Variants in ZFHX3 observed in about 807,000 individuals in gnomAD.
ZFHX3 encodes the protein zinc finger homeobox protein 3.
A neutral mutation model predicts 279.1 loss-of-function variants in ZFHX3; 42 were observed. The ratio of observed to expected loss-of-function variants is 0.15; its 90% CI spans 0.12 to 0.19. The LOEUF (loss-of-function observed/expected upper bound fraction) is 0.19, where lower values mean the gene tolerates loss of function less well. Among genes scored for constraint, ZFHX3 ranks in the 10% least tolerant of loss-of-function variants. The pLI, the probability that ZFHX3 is intolerant of heterozygous loss-of-function variation, is 1.00. For missense variants in ZFHX3, 4,981 were observed against 4,754.0 expected, an observed-to-expected ratio of 1.05 and a Z score of -1.40; for synonymous variants, 2,293 against 1,957.8, an observed-to-expected ratio of 1.17 and a Z score of -4.52.
At chr16:73,227,158 T>C (rs767587387) in intron 5 of ZFHX3, among the ~76,000 whole-genome samples, 1 of 152,120 alleles carries the variant, frequency 6.6e-6, no homozygotes, top group Non-Finnish European at 1.5e-5. Flanking sequence ...CATCTCATAA[T>C]TGGAGTTAAA....
At chr16:73,641,082 C>G (rs2052568868) in intron 2 of ZFHX3, among the ~76,000 whole-genome samples, 1 of 152,160 alleles carries the variant, frequency 6.6e-6, no homozygotes, top group African/African-American at 2.4e-5. Context: ...AGCTACAATT[C>G]TACACCCACA....
intron 2 of ZFHX3, among the ~76,000 whole-genome samples, chr16:73,563,276 C>T (rs1329837504): frequency 6.7e-6 from 1 of 150,076 alleles, no homozygotes; most frequent in Non-Finnish European, 1.5e-5. Context: ...CTCACTCTGC[C>T]ACCCGGGCTG....
At chr16:72,888,086 A>G (rs1305147235) in intron 4 of ZFHX3, among the ~76,000 whole-genome samples, 2 of 152,320 alleles carry the variant, frequency 1.3e-5, no homozygotes, top group East Asian at 3.9e-4. Context: ...GAGAAGAAAC[A>G]TGGAAATAAG....
At chr16:73,843,182 GAACA>G (rs373432189) in intron 1 of ZFHX3, among the ~76,000 whole-genome samples, 5 of 152,306 alleles carry the variant, frequency 3.3e-5, no homozygotes, top group African/African-American at 1.2e-4. Flanking sequence ...TTTTAGACAA[GAACA>G]AACAATTTGA....
chr16:72,950,996 A>T (rs1345630534), intron 2 of ZFHX3, 31 bp from the exon 3 acceptor site: 30 of 1,594,326 alleles, frequency 1.9e-5, no homozygotes, highest in Non-Finnish European at 2.6e-5. Flanking sequence ...AGAGAGTCAG[A>T]CACCAGGCTC....
upstream of ZFHX3, chr16:73,061,365 TCTTG>T (rs1238967620): frequency 7.8e-6 from 1 of 128,716 alleles, no homozygotes; most frequent in Admixed American, 9.6e-5. Context: ...CTTTTTTCTT[TCTTG>T]CCTTTTTTTT....
chr16:73,221,911 A>G (rs1443757258), intron 5 of ZFHX3, among the ~76,000 whole-genome samples: 1 of 152,150 alleles, frequency 6.6e-6, no homozygotes, highest in African/African-American at 2.4e-5. Flanking sequence ...ATGGCTGCAC[A>G]ATGTATTATT....
At chr16:73,843,696 A>G (rs950991722) in intron 1 of ZFHX3, among the ~76,000 whole-genome samples, 1 of 152,210 alleles carries the variant, frequency 6.6e-6, no homozygotes, top group African/African-American at 2.4e-5. Context: ...GTATTTTTTA[A>G]TCAGTGGGTT....
chr16:73,728,281 G>C (rs763455740), intron 1 of ZFHX3, among the ~76,000 whole-genome samples: 21 of 152,108 alleles, frequency 1.4e-4, no homozygotes, highest in Non-Finnish European at 2.6e-4. Flanking sequence ...GCAAGCCAAG[G>C]AGAGGCCTCA....
chr16:73,709,913 G>T (rs1048949568), intron 1 of ZFHX3, among the ~76,000 whole-genome samples: 1 of 152,202 alleles, frequency 6.6e-6, no homozygotes, highest in African/African-American at 2.4e-5. Flanking sequence ...CGGGCGTGGT[G>T]GCTCATGCCT....
intron 1 of ZFHX3, among the ~76,000 whole-genome samples, chr16:72,991,164 G>C (rs891381405): frequency 6.6e-6 from 1 of 152,070 alleles, no homozygotes; most frequent in African/African-American, 2.4e-5. Context: ...CTGAGAGAGA[G>C]GAGAGACCAT....
At chr16:73,259,093 A>C (rs1293602533) in intron 4 of ZFHX3, among the ~76,000 whole-genome samples, 1 of 152,186 alleles carries the variant, frequency 6.6e-6, no homozygotes, top group East Asian at 1.9e-4. Context: ...CAATGGCTTG[A>C]CATTTAGGTT....
chr16:72,814,340 G>GC (rs1389599961), intron 5 of ZFHX3, among the ~76,000 whole-genome samples: 1 of 152,108 alleles, frequency 6.6e-6, no homozygotes, highest in African/African-American at 2.4e-5. Flanking sequence ...CAATCTGCCT[G>GC]CCCCCTACTA....
intron 4 of ZFHX3, among the ~76,000 whole-genome samples, chr16:73,269,917 T>G (rs966755724): frequency 6.6e-6 from 1 of 151,918 alleles, no homozygotes; most frequent in African/African-American, 2.4e-5. Context: ...CCTGGCTAAT[T>G]TTTTATTTGT....
intron 1 of ZFHX3, among the ~76,000 whole-genome samples, chr16:73,019,630 G>A (rs1201911156): frequency 6.6e-6 from 1 of 152,174 alleles, no homozygotes; most frequent in Non-Finnish European, 1.5e-5. Flanking sequence ...TGCACAGACT[G>A]TCTGCTCTAA....
chr16:73,255,020 C>T (rs1667639790), intron 5 of ZFHX3, among the ~76,000 whole-genome samples: 1 of 152,130 alleles, frequency 6.6e-6, no homozygotes, highest in African/African-American at 2.4e-5. Context: ...CACTGAGATA[C>T]GAACATCAAA....
chr16:73,837,256 G>A (rs1296570259), intron 1 of ZFHX3, among the ~76,000 whole-genome samples: 1 of 152,116 alleles, frequency 6.6e-6, no homozygotes, highest in Non-Finnish European at 1.5e-5. Flanking sequence ...TCTTTGGAAT[G>A]GTTGTTTGAT....
chr16:73,670,767 G>T (rs1390464207), intron 2 of ZFHX3, among the ~76,000 whole-genome samples: 1 of 152,044 alleles, frequency 6.6e-6, no homozygotes, highest in Admixed American at 6.6e-5. Flanking sequence ...TTTTCCTTAA[G>T]GATTATGGGA....
chr16:73,538,978 A>C (rs1165845722), intron 2 of ZFHX3, among the ~76,000 whole-genome samples: 1 of 152,182 alleles, frequency 6.6e-6, no homozygotes, highest in African/African-American at 2.4e-5. Context: ...CCTGTAACAC[A>C]TGAGGCAGGA....
Sources: allele counts gnomAD v4.1 joint callset (sites outside exome capture counted in the v4.1 genomes callset), GRCh38; gene constraint gnomAD v4.1.1; transcripts MANE v1.5; gene names NCBI Gene and HGNC (gene_info 2026-07-23, HGNC 2026-07-21).